The following COCH variants were observed in gnomAD, a reference collection of about 807,000 sequenced individuals.
COCH encodes cochlin.
COCH carries 40 observed loss-of-function variants against 54.8 expected under a neutral mutation model. The ratio of observed to expected loss-of-function variants is 0.73; its 90% CI spans 0.57 to 0.95. COCH has a LOEUF of 0.95. Ranked by LOEUF, COCH falls within the 40% of genes least tolerant of loss-of-function variation. The pLI is 0.00. For missense variants in COCH, 605 were observed against 675.0 expected (o/e 0.90, Z 1.15); for synonymous variants, 256 against 237.9 (o/e 1.08, Z -0.70).
downstream of COCH, among the ~76,000 whole-genome samples, chr14:30,891,824 C>T (rs1895988959): frequency 6.6e-6 from 1 of 152,176 alleles, no homozygotes. Context: ...GAAATCAGAA[C>T]TGTAGGTTAC....
In COCH at chr14:30,886,895, T is replaced by G. The variant is rs28362781; in HGVS notation, c.1477+583T>G. ...ACTGCCCCTGGCTAATTTTTAAATTTTTTTGGGGAGAGACGGGGGTCTCAC... is the reference window on the plus strand; with the variant it reads ...ACTGCCCCTGGCTAATTTTTAAATTGTTTTGGGGAGAGACGGGGGTCTCAC... On this transcript the variant is annotated intron_variant, in intron 11 of 11. Transcript: ENST00000396618. Among the ~76,000 whole-genome samples the G allele has an allele frequency of 9.5e-3, 1,445 of 152,276 alleles. 39 individuals are homozygous for G. Among genetic ancestry groups the G allele is most frequent in the African/African-American group, 0.033 (1,364 of 41,560 alleles).
downstream of COCH, chr14:30,895,589 G>A (rs761304632): frequency 6.2e-7 from 1 of 1,610,204 alleles, no homozygotes; most frequent in African/African-American, 1.3e-5. Flanking sequence ...GCCTGTAAAA[G>A]AACAAATAAA....
At chr14:30,874,819 C>A (rs1052186777) in intron 1 of COCH, 97 bp from the exon 2 acceptor site, 1 of 1,196,410 alleles carries the variant, frequency 8.4e-7, no homozygotes, top group Non-Finnish European at 1.2e-6. Flanking sequence ...CTCTCCTCTG[C>A]GCCGCGCCCG....
intron 6 of COCH, among the ~76,000 whole-genome samples, chr14:30,879,964 A>G (rs1895513931): frequency 6.6e-6 from 1 of 152,098 alleles, no homozygotes; most frequent in Non-Finnish European, 1.5e-5. Context: ...CACCCAGCCT[A>G]ATAATTCTCT....
At position 30,878,922 on chromosome 14, in the gene COCH, G is replaced by A. The variant is rs1336417636; in HGVS notation, c.351G>A (p.Trp117Ter). ...NGIQSQMLSR[W>*]SASFTVTKGK... ...TCCAGTCTCAAATGCTTTCTAGATG[G>A]TCTGCTTCTTTCACAGTAACTAGTA... The change falls in exon 5 of 12, where the codon TGG (tryptophan) becomes TGA (stop). Residue 117 changes from tryptophan to a stop codon, truncating the protein, a stop_gained. Coordinates refer to ENST00000396618, the MANE Select transcript of COCH (RefSeq NM_004086.3). LOFTEE classifies it high-confidence loss of function. 1 of 1,613,958 alleles carries A rather than the reference G, an allele frequency of 6.2e-7. No individual in the cohort carries two copies. Among genetic ancestry groups the A allele is most frequent in the East Asian group, 2.2e-5 (1 of 44,880 alleles).
intron 8 of COCH, among the ~76,000 whole-genome samples, chr14:30,883,378 G>A (rs1895680334): frequency 6.6e-6 from 1 of 152,142 alleles, no homozygotes; most frequent in African/African-American, 2.4e-5. Flanking sequence ...CTCATACAAA[G>A]TTTTGTAGTT....
chr14:30,886,457 C>A, intron 11 of COCH, 145 bp downstream of exon 11: 1 of 861,832 alleles, frequency 1.2e-6, no homozygotes, highest in Non-Finnish European at 1.8e-6. Context: ...CCCTACTCAT[C>A]TCATTCTACA....
chr14:30,895,053 CAAAAAAAAAA>C (rs35858438), downstream of COCH: 318 of 26,586 alleles, frequency 0.012, no homozygotes, highest in Middle Eastern at 0.041. Flanking sequence ...ACACAGAGTC[CAAAAAAAAAA>C]AAAAAAAAAA....
At chr14:30,893,147 CAATTTTTTT>C (rs1186929669), downstream of COCH, among the ~76,000 whole-genome samples, 1 of 92,056 alleles carries the variant, frequency 1.1e-5, no homozygotes, top group East Asian at 2.1e-4. Context: ...GCAAAAACCA[CAATTTTTTT>C]TTTTTTTTTT....
At chr14:30,889,281 T>G (rs1458230676) in intron 11 of COCH, 1 of 275,016 alleles carries the variant, frequency 3.6e-6, no homozygotes, top group Non-Finnish European at 7.0e-6. Flanking sequence ...AAAGATACTG[T>G]GGATCAGGTT....
chr14:30,889,573 C>T lies in COCH; in HGVS notation c.1478-43C>T, dbSNP rs557462976. ...ATATAGACATAATTCCATATATTAG[C>T]TAGACCTGATTTTCAATTCACTTTA... On this transcript the variant is annotated intron_variant, in intron 11 of 11. Transcript: ENST00000396618. The T allele has an allele frequency of 2.1e-5, 33 of 1,552,134 alleles. 1 individual carries two copies. In the South Asian group the frequency reaches 3.7e-4, roughly 17 times the overall value.
chr14:30,883,770 T>C (rs1287120971), intron 8 of COCH, among the ~76,000 whole-genome samples: 1 of 152,338 alleles, frequency 6.6e-6, no homozygotes, highest in Middle Eastern at 3.4e-3. Context: ...CACAGAGTAG[T>C]TATATAAAAG....
At chr14:30,881,231 GA>G (rs915670940) in intron 8 of COCH, among the ~76,000 whole-genome samples, 6 of 138,584 alleles carry the variant, frequency 4.3e-5, no homozygotes, top group African/African-American at 7.9e-5. Flanking sequence ...AAAAAAAAAA[GA>G]AAAAAATCAA....
intron 3 of COCH, chr14:30,876,095 A>G (rs1180682972): frequency 6.6e-6 from 1 of 152,240 alleles, no homozygotes; most frequent in Non-Finnish European, 1.5e-5. Context: ...GTTGGACAGT[A>G]TGGCCAGAAA....
In COCH at chr14:30,884,451, C is replaced by G. The variant is rs1594382195; in HGVS notation, c.630-102C>G. On this transcript the variant is annotated intron_variant, in intron 8 of 11. Coordinates refer to ENST00000396618, the MANE Select transcript of COCH (RefSeq NM_004086.3). ...ATGTACTATGGAATTAAGAAAGAAA[C>G]TTGTGTGTTGTCTGGTTTTAAAACT... The G allele has an allele frequency of 5.2e-6, 4 of 768,906 alleles. No individual in the cohort carries two copies. In the East Asian group the frequency reaches 1.1e-4, roughly 21 times the overall value. 47.6% of individuals were successfully genotyped at this position (768,906 alleles called of 1,614,324 possible). A position where few individuals can be genotyped will look rare whatever the true frequency, so the allele number is the denominator to read the frequency against.
intron 11 of COCH, among the ~76,000 whole-genome samples, chr14:30,888,461 T>G (rs1358873337): frequency 6.6e-6 from 1 of 151,992 alleles, no homozygotes; most frequent in Non-Finnish European, 1.5e-5. Context: ...CACCCAGCAT[T>G]AGATAGATGG....
Position 30,877,759 on chromosome 14 carries a change from AATGCAGAC to A in COCH, c.239+32_239+39del. The A allele has an allele frequency of 1.9e-6, 3 of 1,613,838 alleles. No individual in the cohort carries two copies. The highest frequency in any genetic ancestry group is 2.5e-6 in the Non-Finnish European group (3 of 1,179,996). On this transcript the variant is annotated intron_variant, in intron 4 of 11. Transcript: ENST00000396618. The surrounding 1 kb of genome is among the most constrained non-coding windows in gnomAD (Gnocchi z 8.6). ...CCCAAACACACCAGGGTGGGAGAGA[AATGCAGAC>A]GTGATTATTTCCTTTCCTGCTTTAC...
chr14:30,883,299 G>C (rs1312776632), intron 8 of COCH, among the ~76,000 whole-genome samples: 2 of 152,014 alleles, frequency 1.3e-5, no homozygotes, highest in Admixed American at 1.3e-4. Flanking sequence ...AGTACTTTTT[G>C]TCTTGTACTT....
In COCH at chr14:30,890,132, G is replaced by C; in HGVS notation, c.*341G>C. On this transcript the variant is annotated 3_prime_UTR_variant, in exon 12 of 12. Coordinates refer to ENST00000396618, the MANE Select transcript of COCH (RefSeq NM_004086.3). ...GCTCAATAAAAGAATCTGATACTTAGACCAAAAGCAACATTCGTTCTCTAA... is the reference window on the plus strand; with the variant it reads ...GCTCAATAAAAGAATCTGATACTTACACCAAAAGCAACATTCGTTCTCTAA... The C allele has an allele frequency of 9.9e-7, 1 of 1,013,666 alleles. No individual in the cohort carries two copies. The highest frequency in any genetic ancestry group is 1.2e-6 in the Non-Finnish European group (1 of 846,406). The allele number at this position is 1,013,666 out of a possible 1,614,324, so 62.8% of individuals were successfully genotyped here.
Sources: gnomAD v4.1 joint callset for allele counts (sites outside exome capture counted in the v4.1 genomes callset) on GRCh38, gnomAD v4.1.1 for gene constraint, Gnocchi (gnomAD v3.1) non-coding constraint, MANE v1.5 for transcripts, NCBI Gene and HGNC (gene_info 2026-07-23, HGNC 2026-07-21) for gene names.